Variants in BMPR1B observed in about 807,000 individuals in gnomAD.
BMPR1B encodes the protein bone morphogenetic protein receptor type 1B.
In BMPR1B, 12 loss-of-function variants were observed where a neutral mutation model predicts 59.1. The observed-to-expected ratio is 0.20, with a 90% CI of 0.13 to 0.33. The LOEUF (loss-of-function observed/expected upper bound fraction) is 0.33. BMPR1B is among the 10% of genes least tolerant of loss of function. The pLI, the probability that BMPR1B is intolerant of heterozygous loss-of-function variation, is 1.00. For missense variants in BMPR1B, 550 were observed against 610.9 expected (o/e 0.90, Z 1.05); for synonymous variants, 237 against 207.3 (o/e 1.14, Z -1.23).
At chr4:95,143,392 G>A (rs1734394503) in intron 10 of BMPR1B, among the ~76,000 whole-genome samples, 1 of 152,116 alleles carries the variant, frequency 6.6e-6, no homozygotes, top group Admixed American at 6.5e-5. Flanking sequence ...TCCTTCCCTG[G>A]CACCTTCAGA....
At chr4:94,904,680 G>T (rs1727969805) in intron 2 of BMPR1B, among the ~76,000 whole-genome samples, 1 of 152,048 alleles carries the variant, frequency 6.6e-6, no homozygotes, top group Admixed American at 6.6e-5. Context: ...TTCTGTGGTA[G>T]CAATTGTGGA....
At chr4:95,106,360 A>T (rs560175112) in intron 4 of BMPR1B, among the ~76,000 whole-genome samples, 2 of 152,128 alleles carry the variant, frequency 1.3e-5, no homozygotes, top group South Asian at 4.1e-4. Context: ...GACAGAAGTG[A>T]ATTCAAGAAC....
At chr4:94,808,929 C>G (rs755632274) in intron 1 of BMPR1B, among the ~76,000 whole-genome samples, 6 of 152,008 alleles carry the variant, frequency 3.9e-5, no homozygotes, top group Non-Finnish European at 8.8e-5. Flanking sequence ...GTGGGGGTTG[C>G]CTGTAGTTCC....
intron 1 of BMPR1B, among the ~76,000 whole-genome samples, chr4:94,825,357 T>G (rs1342448196): frequency 6.6e-6 from 1 of 151,622 alleles, no homozygotes; most frequent in Non-Finnish European, 1.5e-5. Flanking sequence ...TTTTAAAAAT[T>G]AGCTGAGCAG....
intron 2 of BMPR1B, among the ~76,000 whole-genome samples, chr4:94,949,144 C>T (rs1729831903): frequency 6.6e-6 from 1 of 152,094 alleles, no homozygotes; most frequent in Non-Finnish European, 1.5e-5. Context: ...CACTGAGAGG[C>T]CCTGGTGTGT....
intron 2 of BMPR1B, among the ~76,000 whole-genome samples, chr4:94,889,447 A>T (rs1398460567): frequency 6.6e-6 from 1 of 152,126 alleles, no homozygotes; most frequent in East Asian, 1.9e-4. Flanking sequence ...GTTAAGATTG[A>T]AATTGGGGTT....
intron 3 of BMPR1B, among the ~76,000 whole-genome samples, chr4:95,039,233 G>A (rs1015295581): frequency 3.9e-5 from 6 of 152,118 alleles, no homozygotes; most frequent in African/African-American, 1.4e-4. Flanking sequence ...CATAACTTGA[G>A]TTTCTTACTT....
At chr4:94,958,307 A>C (rs978232331) in intron 2 of BMPR1B, among the ~76,000 whole-genome samples, 7 of 152,206 alleles carry the variant, frequency 4.6e-5, no homozygotes, top group African/African-American at 1.7e-4. Flanking sequence ...CTGTCTGGGC[A>C]TATGGCAGGT....
intron 2 of BMPR1B, among the ~76,000 whole-genome samples, chr4:94,956,626 C>T (rs3796417): frequency 0.46 from 70,387 of 151,762 alleles, 16,775 homozygotes; most frequent in South Asian, 0.6. Context: ...TTCTAGATAC[C>T]TGGGTGACAA....
At chr4:95,098,167 C>T (rs911062558) in intron 3 of BMPR1B, among the ~76,000 whole-genome samples, 1 of 152,070 alleles carries the variant, frequency 6.6e-6, no homozygotes, top group African/African-American at 2.4e-5. Context: ...TATTGCTAAT[C>T]CACTGGATGT....
intron 1 of BMPR1B, among the ~76,000 whole-genome samples, chr4:94,798,734 TG>T (rs1253241751): frequency 6.6e-6 from 1 of 151,904 alleles, no homozygotes; most frequent in Admixed American, 6.6e-5. Flanking sequence ...TAAACTGAGG[TG>T]TTGACAGTGG....
rs188911165 is a variant in BMPR1B at position 94,941,391 on chromosome 4, C to T, written c.-112-54649C>T. On this transcript the variant is annotated intron_variant, in intron 2 of 12. Transcript: ENST00000515059. Reference sequence around the variant, plus strand: ...AGGTTGCAGTGAGCCGAGATTGCACCCCTGCACTCCAGCCTGGGTGACAAG... The same window carrying T: ...AGGTTGCAGTGAGCCGAGATTGCACTCCTGCACTCCAGCCTGGGTGACAAG... Among the ~76,000 whole-genome samples the T allele has an allele frequency of 3.1e-3, 471 of 151,384 alleles. 3 individuals are homozygous for T. Among genetic ancestry groups the T allele is most frequent in the Middle Eastern group, 0.01 (3 of 292 alleles).
At chr4:94,928,387 C>T (rs1273769902) in intron 2 of BMPR1B, among the ~76,000 whole-genome samples, 1 of 151,904 alleles carries the variant, frequency 6.6e-6, no homozygotes, top group African/African-American at 2.4e-5. Context: ...TATAAATTTC[C>T]TCGAGATAAG....
At chr4:94,896,919 A>G (rs1019592032) in intron 2 of BMPR1B, among the ~76,000 whole-genome samples, 1 of 152,050 alleles carries the variant, frequency 6.6e-6, no homozygotes, top group Non-Finnish European at 1.5e-5. Flanking sequence ...TAGTATCTCC[A>G]TAGTATTTAT....
intron 1 of BMPR1B, among the ~76,000 whole-genome samples, chr4:94,775,539 A>G (rs1297757948): frequency 6.6e-6 from 1 of 152,198 alleles, no homozygotes; most frequent in Admixed American, 6.5e-5. Context: ...GTTTAGTGAA[A>G]TAAGAGGATA....
Position 94,974,239 on chromosome 4 carries a change from C to G in BMPR1B, c.-112-21801C>G, listed in dbSNP as rs944094463. 7.2e-5 allele frequency among the ~76,000 whole-genome samples: 11 copies of G among 152,064 alleles called. No individual in the cohort carries two copies. In the South Asian group the frequency reaches 2.3e-3, roughly 32 times the overall value. ...TTTTTCTTTCCAATTTATACGTGCT[C>G]TTTGTATTTTAAGGCCATTAACACT... On this transcript the variant is annotated intron_variant, in intron 2 of 12. Transcript: ENST00000515059.
chr4:94,930,967 A>T (rs982786631), intron 2 of BMPR1B, among the ~76,000 whole-genome samples: 1 of 152,082 alleles, frequency 6.6e-6, no homozygotes, highest in Non-Finnish European at 1.5e-5. Flanking sequence ...AAGAAAAAAA[A>T]ATAAGGCAGG....
chr4:94,844,223 T>TTGTGTGTG lies in BMPR1B; in HGVS notation c.-182-31581_-182-31574dup, dbSNP rs150471976. Among the ~76,000 whole-genome samples, 404 of 146,654 alleles carry TTGTGTGTG rather than the reference T, an allele frequency of 2.8e-3. 6 individuals carry two copies. The East Asian group carries it at 0.046, about 17-fold the overall frequency. Reference sequence around the variant, plus strand: ...GTAGCCATTCTATTCTGAATCATCTTTGTGTGTGTGTGTGTGTGTGTGTGT... The same window carrying TTGTGTGTG: ...GTAGCCATTCTATTCTGAATCATCTTTGTGTGTGTGTGTGTGTGTGTGTGTGTGTGTGT... On this transcript the variant is annotated intron_variant, in intron 1 of 12. Transcript: ENST00000515059.
chr4:94,918,546 C>G (rs1223435772), intron 2 of BMPR1B, among the ~76,000 whole-genome samples: 1 of 152,006 alleles, frequency 6.6e-6, no homozygotes, highest in Non-Finnish European at 1.5e-5. Flanking sequence ...CAGTGTGGCA[C>G]ACGCCTGTAG....
Sources: gnomAD v4.1 joint callset for allele counts (sites outside exome capture counted in the v4.1 genomes callset) on GRCh38, gnomAD v4.1.1 for gene constraint, MANE v1.5 for transcripts, NCBI Gene and HGNC (gene_info 2026-07-23, HGNC 2026-07-21) for gene names.